The following PDE4B variants were observed in gnomAD, a reference collection of about 807,000 sequenced individuals.
PDE4B encodes 3',5'-cyclic-AMP phosphodiesterase 4B.
In PDE4B, 20 loss-of-function variants were observed where a neutral mutation model predicts 82.2. The ratio of observed to expected loss-of-function variants is 0.24; its 90% CI spans 0.17 to 0.35. The LOEUF (loss-of-function observed/expected upper bound fraction) is 0.35, where lower values mean the gene tolerates loss of function less well. Among genes scored for constraint, PDE4B ranks in the 10% least tolerant of loss-of-function variants. The pLI, the probability that PDE4B is intolerant of heterozygous loss-of-function variation, is 1.00. For synonymous variants in PDE4B, 320 were observed against 318.9 expected (o/e 1.00, Z -0.04); for missense variants, 655 against 907.2 (o/e 0.72, Z 3.57).
intron 3 of PDE4B, among the ~76,000 whole-genome samples, chr1:66,073,163 G>A (rs1570153083): frequency 6.6e-6 from 1 of 152,056 alleles, no homozygotes; most frequent in South Asian, 2.1e-4. Flanking sequence ...TGCTGTGTCT[G>A]CTGTGAATTG....
chr1:66,185,641 T>C (rs1647175124), intron 3 of PDE4B, among the ~76,000 whole-genome samples: 1 of 152,250 alleles, frequency 6.6e-6, no homozygotes, highest in African/African-American at 2.4e-5. Context: ...AATGTCTTCT[T>C]TTGAGAAGTG....
intron 3 of PDE4B, among the ~76,000 whole-genome samples, chr1:66,228,237 G>C (rs940186153): frequency 6.6e-6 from 1 of 152,046 alleles, no homozygotes; most frequent in Non-Finnish European, 1.5e-5. Context: ...CGGCTCATTC[G>C]GAGAGACACT....
At chr1:65,875,694 T>C (rs6683615) in intron 1 of PDE4B, among the ~76,000 whole-genome samples, 147,037 of 149,008 alleles carry the variant, frequency 0.99, 72,583 homozygotes, top group Non-Finnish European at 1. Context: ...AGTAAACTAT[T>C]GCAAGAACAA....
At chr1:66,121,904 C>T (rs777503648) in intron 3 of PDE4B, among the ~76,000 whole-genome samples, 2 of 152,066 alleles carry the variant, frequency 1.3e-5, no homozygotes, top group Admixed American at 6.6e-5. Context: ...TTTTCTTTCT[C>T]CTTTTCACCC....
At chr1:66,127,935 C>G (rs1645857013) in intron 3 of PDE4B, among the ~76,000 whole-genome samples, 1 of 152,034 alleles carries the variant, frequency 6.6e-6, no homozygotes, top group South Asian at 2.1e-4. Context: ...GGGGGATTTT[C>G]TAAGCTAAAG....
intron 3 of PDE4B, among the ~76,000 whole-genome samples, chr1:65,977,168 C>A (rs1163205403): frequency 2.6e-5 from 4 of 152,138 alleles, no homozygotes; most frequent in Non-Finnish European, 1.5e-5. Flanking sequence ...GAAAACATGG[C>A]AGAATGCAGT....
chr1:66,029,839 T>A lies in PDE4B; in HGVS notation c.281+111004T>A, dbSNP rs527929201. Among the ~76,000 whole-genome samples, 4 of 152,280 alleles carry A rather than the reference T, an allele frequency of 2.6e-5. No individual in the cohort carries two copies. In the South Asian group the frequency reaches 8.3e-4, roughly 32 times the overall value. On this transcript the variant is annotated intron_variant, in intron 3 of 16. Transcript: ENST00000341517. Reference sequence around the variant, plus strand: ...ATGCTTAAATTTGAAATAACCACTTTCAAATTTCTCACCCAGTGATTATAA... The same window carrying A: ...ATGCTTAAATTTGAAATAACCACTTACAAATTTCTCACCCAGTGATTATAA...
At chr1:65,831,647 G>A (rs771016034) in intron 1 of PDE4B, among the ~76,000 whole-genome samples, 4 of 151,922 alleles carry the variant, frequency 2.6e-5, no homozygotes, top group Non-Finnish European at 5.9e-5. Context: ...TAGAAGAGGA[G>A]GTAGCACTTT....
chr1:66,341,476 G>A (rs1050913073), intron 8 of PDE4B, among the ~76,000 whole-genome samples: 1 of 152,180 alleles, frequency 6.6e-6, no homozygotes, highest in African/African-American at 2.4e-5. Flanking sequence ...AATTTAGTAT[G>A]CCTGAAAATT....
intron 1 of PDE4B, among the ~76,000 whole-genome samples, chr1:65,848,416 TTACAGC>T (rs1646291759): frequency 6.6e-6 from 1 of 151,974 alleles, no homozygotes; most frequent in African/African-American, 2.4e-5. Flanking sequence ...AGTGTTGGGA[TTACAGC>T]TGTAAGCCAC....
intron 3 of PDE4B, among the ~76,000 whole-genome samples, chr1:65,939,723 A>G (rs1191442735): frequency 6.6e-6 from 1 of 152,138 alleles, no homozygotes; most frequent in Non-Finnish European, 1.5e-5. Flanking sequence ...TAATTATTCA[A>G]AATAAGTACT....
At chr1:66,176,925 A>T (rs572580018) in intron 3 of PDE4B, among the ~76,000 whole-genome samples, 7 of 152,184 alleles carry the variant, frequency 4.6e-5, no homozygotes, top group Non-Finnish European at 1.0e-4. Flanking sequence ...TACAGTACTT[A>T]CTAAGAATTA....
chr1:66,161,264 G>A (rs566678778), intron 3 of PDE4B, among the ~76,000 whole-genome samples: 1 of 150,630 alleles, frequency 6.6e-6, no homozygotes, highest in African/African-American at 2.4e-5. Context: ...AACAGGTACA[G>A]GCGTCAAACC....
chr1:65,835,981 G>A (rs1008729876), intron 1 of PDE4B, among the ~76,000 whole-genome samples: 13 of 150,364 alleles, frequency 8.6e-5, no homozygotes, highest in African/African-American at 2.9e-4. Context: ...TGGTCTTGTC[G>A]CCCAGGCTGG....
At chr1:66,230,399 G>A (rs1043278921) in intron 3 of PDE4B, among the ~76,000 whole-genome samples, 1 of 152,178 alleles carries the variant, frequency 6.6e-6, no homozygotes, top group Admixed American at 6.5e-5. Context: ...TCTTTCTTCT[G>A]TTGGCAATGA....
At chr1:66,239,187 G>T (rs1216170285) in intron 3 of PDE4B, among the ~76,000 whole-genome samples, 1 of 152,142 alleles carries the variant, frequency 6.6e-6, no homozygotes, top group Admixed American at 6.5e-5. Context: ...TTTACTAATA[G>T]AGCATTTAAC....
chr1:65,860,745 G>T (rs1388507194), intron 1 of PDE4B, among the ~76,000 whole-genome samples: 1 of 152,176 alleles, frequency 6.6e-6, no homozygotes, highest in Admixed American at 6.5e-5. Flanking sequence ...TATTGTAACT[G>T]TCATGAGATG....
intron 1 of PDE4B, among the ~76,000 whole-genome samples, chr1:65,825,375 G>A (rs1178618408): frequency 6.6e-6 from 1 of 152,192 alleles, no homozygotes; most frequent in Non-Finnish European, 1.5e-5. Context: ...ACCCTGTTTA[G>A]CAAAGGAATG....
At chr1:65,893,375 A>G (rs1419996163) in intron 1 of PDE4B, among the ~76,000 whole-genome samples, 1 of 152,136 alleles carries the variant, frequency 6.6e-6, no homozygotes, top group Non-Finnish European at 1.5e-5. Flanking sequence ...ACATGAAAAA[A>G]TGCTCAACAT....
Sources: allele counts gnomAD v4.1 joint callset (sites outside exome capture counted in the v4.1 genomes callset), GRCh38; gene constraint gnomAD v4.1.1; transcripts MANE v1.5; gene names NCBI Gene and HGNC (gene_info 2026-07-23, HGNC 2026-07-21).